Variants in SLC35D2 observed in about 807,000 individuals in gnomAD.
SLC35D2 encodes nucleotide sugar transporter SLC35D2.
Under a neutral mutation model 41.8 loss-of-function variants are expected in SLC35D2, and 43 were observed. That is an observed-to-expected ratio of 1.03 (90% CI 0.81 to 1.33). The LOEUF is 1.33. SLC35D2 is among the 40% of genes most tolerant of loss of function. SLC35D2 has a pLI of 0.00. For synonymous variants in SLC35D2, 150 were observed against 163.9 expected (o/e 0.92, Z 0.65); for missense variants, 380 against 408.4 (o/e 0.93, Z 0.60).
chr9:96,343,585 C>T (rs1462623048), intron 8 of SLC35D2, among the ~76,000 whole-genome samples: 1 of 152,136 alleles, frequency 6.6e-6, no homozygotes, highest in Non-Finnish European at 1.5e-5. Context: ...TCAAAATCCC[C>T]TTCTAGGGTA....
intron 1 of SLC35D2, among the ~76,000 whole-genome samples, chr9:96,373,471 G>A (rs990255944): frequency 6.6e-6 from 1 of 151,950 alleles, no homozygotes; most frequent in African/African-American, 2.4e-5. Context: ...GGCGGATCAC[G>A]AGGTCAGGAG....
intron 9 of SLC35D2, among the ~76,000 whole-genome samples, chr9:96,335,449 T>C (rs541458988): frequency 6.6e-6 from 1 of 152,186 alleles, no homozygotes; most frequent in Admixed American, 6.5e-5. Context: ...AACCTCCACC[T>C]CCTGGGTTCA....
intron 1 of SLC35D2, among the ~76,000 whole-genome samples, chr9:96,378,857 AG>A (rs1831066380): frequency 6.6e-6 from 1 of 151,846 alleles, no homozygotes; most frequent in African/African-American, 2.4e-5. Flanking sequence ...TGAGCCCAGG[AG>A]GTAGAGGCTG....
intron 1 of SLC35D2, among the ~76,000 whole-genome samples, chr9:96,378,228 G>T (rs550039415): frequency 5.9e-4 from 89 of 150,930 alleles, no homozygotes; most frequent in Non-Finnish European, 1.1e-3. Context: ...GAGCCCAAGA[G>T]TTCGAGACCA....
downstream of SLC35D2, among the ~76,000 whole-genome samples, chr9:96,317,137 CA>C (rs199556211): frequency 2.6e-3 from 339 of 131,282 alleles, no homozygotes; most frequent in Non-Finnish European, 2.3e-3. Flanking sequence ...GACTCCCTCT[CA>C]AAAAAAAAAA....
chr9:96,368,176 A>T, intron 2 of SLC35D2, 96 bp downstream of exon 2: 5 of 904,622 alleles, frequency 5.5e-6, no homozygotes, highest in Non-Finnish European at 6.8e-6. Flanking sequence ...CCAGCTGAAT[A>T]AATTTGCAAA....
At position 96,324,549 on chromosome 9, in the gene SLC35D2, C is replaced by CTTTTTTTTTTTTTTTTTTTTTT. The variant is rs57775451; in HGVS notation, c.753-381_753-380insAAAAAAAAAAAAAAAAAAAAAA. 1.4e-3 allele frequency among the ~76,000 whole-genome samples: 159 copies of CTTTTTTTTTTTTTTTTTTTTTT among 117,738 alleles called. 9 individuals carry two copies. The highest frequency in any genetic ancestry group is 1.6e-3 in the South Asian group (5 of 3,094). The allele number at this position is 117,738 out of a possible 152,430, so 77.2% of individuals were successfully genotyped here. A position where few individuals can be genotyped will look rare whatever the true frequency, so the allele number is the denominator to read the frequency against. ...CTGTGCCTCAGAATCGCCTGCTGCACTTTTTTTTTTTTTTTTTGGTGGGGA... is the reference window on the plus strand; with the variant it reads ...CTGTGCCTCAGAATCGCCTGCTGCACTTTTTTTTTTTTTTTTTTTTTTTTTTTTTTTTTTTTTTTGGTGGGGA... On this transcript the variant is annotated intron_variant, in intron 9 of 11. Coordinates refer to ENST00000253270, the MANE Select transcript of SLC35D2 (RefSeq NM_007001.3).
At chr9:96,376,959 G>A (rs1368787398) in intron 1 of SLC35D2, among the ~76,000 whole-genome samples, 1 of 150,812 alleles carries the variant, frequency 6.6e-6, no homozygotes, top group Admixed American at 6.6e-5. Context: ...GTGGTTTTCG[G>A]CTCACAACAC....
chr9:96,315,227 C>T (rs577926446), intron 11 of SLC35D2, among the ~76,000 whole-genome samples: 17 of 152,208 alleles, frequency 1.1e-4, no homozygotes, highest in South Asian at 6.2e-4. Context: ...TCAAGCTATC[C>T]TCCCACCTCA....
At chr9:96,366,357 T>A (rs1004598336) in intron 2 of SLC35D2, among the ~76,000 whole-genome samples, 6 of 150,736 alleles carry the variant, frequency 4.0e-5, no homozygotes, top group Non-Finnish European at 3.0e-5. Context: ...ATAAATATAC[T>A]AACACTTAAA....
chr9:96,319,803 T>C (rs150465633), downstream of SLC35D2, among the ~76,000 whole-genome samples: 2 of 152,294 alleles, frequency 1.3e-5, no homozygotes, highest in African/African-American at 4.8e-5. Context: ...CCCAGCCACA[T>C]AAAAATCCAC....
intron 8 of SLC35D2, 53 bp from the exon 9 acceptor site, chr9:96,336,837 A>C: frequency 1.9e-6 from 2 of 1,060,396 alleles, no homozygotes; most frequent in Non-Finnish European, 2.8e-6. Flanking sequence ...CTGCAGTTTA[A>C]ATTTACTGGT....
intron 1 of SLC35D2, among the ~76,000 whole-genome samples, chr9:96,374,796 C>A (rs1243198544): frequency 6.6e-6 from 1 of 150,946 alleles, no homozygotes; most frequent in African/African-American, 2.4e-5. Context: ...CAAGATCACG[C>A]CACTGCACTC....
chr9:96,318,050 T>A (rs1269193489), downstream of SLC35D2, among the ~76,000 whole-genome samples: 1 of 107,228 alleles, frequency 9.3e-6, no homozygotes, highest in Non-Finnish European at 1.9e-5. Context: ...AAAAAAAAAG[T>A]CTGGGAGCTC....
intron 1 of SLC35D2, among the ~76,000 whole-genome samples, chr9:96,376,721 C>T (rs1034950673): frequency 6.6e-6 from 1 of 151,450 alleles, no homozygotes; most frequent in South Asian, 2.1e-4. Context: ...TGCAGTGAGC[C>T]GAGATCACAC....
At chr9:96,330,555 T>A (rs990192746) in intron 9 of SLC35D2, among the ~76,000 whole-genome samples, 2 of 152,148 alleles carry the variant, frequency 1.3e-5, no homozygotes, top group Admixed American at 1.3e-4. Context: ...AAATACACAA[T>A]CCCTTCCCCA....
chr9:96,316,507 G>C (rs2130815368), downstream of SLC35D2, among the ~76,000 whole-genome samples: 1 of 152,040 alleles, frequency 6.6e-6, no homozygotes, highest in East Asian at 1.9e-4. Flanking sequence ...AAAAAAGGGG[G>C]GGAAGATGGT....
chr9:96,373,888 G>T (rs1205473932), intron 1 of SLC35D2: 2 of 152,146 alleles, frequency 1.3e-5, no homozygotes, highest in Non-Finnish European at 2.9e-5. Flanking sequence ...TTAGGAAGTT[G>T]TTGTTAAGTT....
chr9:96,343,628 G>A (rs1829439125), intron 8 of SLC35D2, among the ~76,000 whole-genome samples: 1 of 152,182 alleles, frequency 6.6e-6, no homozygotes, highest in Admixed American at 6.5e-5. Context: ...CATTAGCAAA[G>A]GGGGATATGG....
Sources: gnomAD v4.1 joint callset for allele counts (sites outside exome capture counted in the v4.1 genomes callset) on GRCh38, gnomAD v4.1.1 for gene constraint, MANE v1.5 for transcripts, NCBI Gene and HGNC (gene_info 2026-07-23, HGNC 2026-07-21) for gene names.